CNTN1: variants seen among roughly 807,000 people sequenced by gnomAD.
CNTN1 encodes the protein contactin-1.
In CNTN1, 38 loss-of-function variants were observed where a neutral mutation model predicts 126.4. The ratio of observed to expected loss-of-function variants is 0.30; its 90% CI spans 0.23 to 0.39. The LOEUF (loss-of-function observed/expected upper bound fraction) is 0.39. CNTN1 is among the 10% of genes least tolerant of loss of function. CNTN1 has a pLI of 1.00. For synonymous variants in CNTN1, 413 were observed against 422.6 expected (o/e 0.98, Z 0.28); for missense variants, 1,009 against 1,248.4 (o/e 0.81, Z 2.89).
intron 1 of CNTN1, among the ~76,000 whole-genome samples, chr12:40,899,721 A>C (rs1433785591): frequency 3.9e-5 from 6 of 152,154 alleles, no homozygotes; most frequent in Admixed American, 3.9e-4. Flanking sequence ...AATTTCCCGG[A>C]AAACTTGATT....
chr12:40,917,064 G>GC (rs1555179752), intron 3 of CNTN1, among the ~76,000 whole-genome samples: 2 of 74,504 alleles, frequency 2.7e-5, no homozygotes, highest in African/African-American at 1.1e-4. Flanking sequence ...GTGGGGGCGG[G>GC]GGGGGGGGCA....
At chr12:40,744,996 C>T (rs1441887792) in intron 1 of CNTN1, among the ~76,000 whole-genome samples, 1 of 152,086 alleles carries the variant, frequency 6.6e-6, no homozygotes, top group Non-Finnish European at 1.5e-5. Flanking sequence ...AATGTATAAT[C>T]TGCTTCATTC....
intron 12 of CNTN1, among the ~76,000 whole-genome samples, chr12:40,940,139 A>T (rs1278477342): frequency 1.3e-5 from 2 of 152,066 alleles, no homozygotes; most frequent in African/African-American, 2.4e-5. Context: ...GAAAGCCAGG[A>T]TGGGAAATGG....
At chr12:40,775,333 A>G (rs1040392783) in intron 1 of CNTN1, among the ~76,000 whole-genome samples, 1 of 151,458 alleles carries the variant, frequency 6.6e-6, no homozygotes, top group Non-Finnish European at 1.5e-5. Context: ...AATGTAATGT[A>G]TATTTCCTTT....
intron 1 of CNTN1, among the ~76,000 whole-genome samples, chr12:40,884,160 T>G (rs1943957452): frequency 6.6e-6 from 1 of 151,626 alleles, no homozygotes. Context: ...CCACTTATAT[T>G]TATTATAATT....
intron 16 of CNTN1, among the ~76,000 whole-genome samples, chr12:40,987,935 CTT>C (rs79306393): frequency 3.5e-4 from 49 of 139,918 alleles, no homozygotes; most frequent in African/African-American, 3.4e-4. Context: ...GGACAGTATC[CTT>C]TTTTTTTTTT....
chr12:40,811,736 C>T (rs1382316526), intron 1 of CNTN1, among the ~76,000 whole-genome samples: 1 of 150,544 alleles, frequency 6.6e-6, no homozygotes, highest in Non-Finnish European at 1.5e-5. Context: ...TTTGTAATAT[C>T]ACCTGTTATA....
intron 1 of CNTN1, among the ~76,000 whole-genome samples, chr12:40,706,062 G>A (rs1173530194): frequency 6.6e-6 from 1 of 151,450 alleles, no homozygotes; most frequent in Non-Finnish European, 1.5e-5. Flanking sequence ...AGATTTGGGT[G>A]GCAACAGAGA....
At position 40,939,399 on chromosome 12, in the gene CNTN1, G is replaced by A. The variant is rs1232011302; in HGVS notation, c.1293G>A (p.Arg431=). The stretch of plus-strand genomic sequence containing the variant: ...AGATCCTGGCTGCTAAAGGTGGAAG[G>A]GTGATAATTGAATGCAAACCTAAAG... The part of the protein sequence containing the change: ...KKKILAAKGG[R]VIIECKPKAA... The change falls in exon 12 of 24, where the codon AGG becomes AGA. Residue 431 remains arginine, a synonymous_variant. Coordinates refer to ENST00000551295, the MANE Select transcript of CNTN1 (RefSeq NM_001843.4). 1 of 1,613,920 alleles carries A rather than the reference G, an allele frequency of 6.2e-7. No homozygotes were observed. Among genetic ancestry groups the A allele is most frequent in the Non-Finnish European group, 8.5e-7 (1 of 1,179,936 alleles).
At chr12:40,877,980 G>GT (rs1364530611) in intron 1 of CNTN1, among the ~76,000 whole-genome samples, 1 of 106,138 alleles carries the variant, frequency 9.4e-6, no homozygotes, top group Non-Finnish European at 1.9e-5. Flanking sequence ...CAAAGAAACA[G>GT]TTTTTTCCTT....
intron 1 of CNTN1, among the ~76,000 whole-genome samples, chr12:40,798,360 C>T (rs1220084556): frequency 6.6e-6 from 1 of 151,988 alleles, no homozygotes; most frequent in Non-Finnish European, 1.5e-5. Context: ...CCTATACTTA[C>T]TGTACTTTCT....
intron 17 of CNTN1, among the ~76,000 whole-genome samples, chr12:41,011,339 G>C (rs1948647881): frequency 6.6e-6 from 1 of 152,210 alleles, no homozygotes. Context: ...AAGAAAATGA[G>C]CCATTTTTTC....
chr12:40,856,434 C>T (rs990107247), intron 1 of CNTN1, among the ~76,000 whole-genome samples: 3 of 151,984 alleles, frequency 2.0e-5, no homozygotes, highest in Admixed American at 6.6e-5. Context: ...AGTAGAAAAT[C>T]GCTGAGTAGG....
At chr12:40,912,727 T>A (rs1015169458) in intron 3 of CNTN1, among the ~76,000 whole-genome samples, 2 of 152,204 alleles carry the variant, frequency 1.3e-5, no homozygotes, top group African/African-American at 4.8e-5. Flanking sequence ...ATTTCCTGTA[T>A]ATTTTTTCAA....
chr12:41,053,457 A>ATATATATT (rs1949733772), intron 23 of CNTN1, among the ~76,000 whole-genome samples: 1 of 130,090 alleles, frequency 7.7e-6, no homozygotes, highest in African/African-American at 3.1e-5. Flanking sequence ...ATATATATAT[A>ATATATATT]TATATATATA....
At chr12:40,696,209 T>C (rs577591538) in intron 1 of CNTN1, among the ~76,000 whole-genome samples, 1 of 152,366 alleles carries the variant, frequency 6.6e-6, no homozygotes, top group East Asian at 1.9e-4. Context: ...GTTTTGCTTT[T>C]TCCCCATCAA....
At chr12:40,856,671 G>A (rs955120149) in intron 1 of CNTN1, among the ~76,000 whole-genome samples, 1 of 152,126 alleles carries the variant, frequency 6.6e-6, no homozygotes, top group African/African-American at 2.4e-5. Context: ...TAAACTAAAA[G>A]TGGACTCAAA....
At chr12:40,977,800 T>G (rs1370312488) in intron 15 of CNTN1, among the ~76,000 whole-genome samples, 1 of 151,470 alleles carries the variant, frequency 6.6e-6, no homozygotes, top group African/African-American at 2.4e-5. Context: ...TGTTTTGTTT[T>G]GTTTTGTTTT....
At chr12:40,920,751 C>T (rs1945411399) in intron 4 of CNTN1, among the ~76,000 whole-genome samples, 1 of 152,038 alleles carries the variant, frequency 6.6e-6, no homozygotes, top group Admixed American at 6.5e-5. Context: ...AGCCTTGAGG[C>T]TTTCATTATC....
Sources: allele counts gnomAD v4.1 joint callset (sites outside exome capture counted in the v4.1 genomes callset), GRCh38; gene constraint gnomAD v4.1.1; transcripts MANE v1.5; gene names NCBI Gene and HGNC (gene_info 2026-07-23, HGNC 2026-07-21).